KCNC3: variants seen among roughly 807,000 people sequenced by gnomAD.
KCNC3 encodes potassium voltage-gated channel subfamily C member 3, also known as voltage-gated potassium channel KCNC3.
Under a neutral mutation model 43.9 loss-of-function variants are expected in KCNC3, and 22 were observed. The ratio of observed to expected loss-of-function variants is 0.50; its 90% confidence interval spans 0.36 to 0.72. The LOEUF (loss-of-function observed/expected upper bound fraction) is 0.72. Among genes scored for constraint, KCNC3 ranks in the 30% least tolerant of loss-of-function variants. KCNC3 has a pLI of 0.00. For missense variants in KCNC3, 829 were observed against 1,073.8 expected (o/e 0.77, Z 3.19); for synonymous variants, 492 against 488.0 (o/e 1.01, Z -0.11).
chr19:50,326,550 G>A (rs1434246636), intron 1 of KCNC3, among the ~76,000 whole-genome samples: 1 of 152,172 alleles, frequency 6.6e-6, no homozygotes, highest in East Asian at 1.9e-4. Context: ...GACGCGGCAC[G>A]GTGGGGGGAG....
At position 50,323,415 on chromosome 19, in the gene KCNC3, G is replaced by A. The variant is rs529887197; in HGVS notation, c.1538C>T (p.Thr513Met). ...TLGYGDMYPK[T>M]WSGMLVGALC... The stretch of plus-strand genomic sequence containing the variant: ...CGCCCCGACCAGCATCCCCGACCAC[G>A]TCTTGGGGTACATGTCTCCATAGCC... The change falls in exon 2 of 5, where the codon ACG becomes ATG. Residue 513 changes from threonine to methionine, a missense_variant. Transcript: ENST00000477616. 3 of 1,614,202 alleles carry A rather than the reference G, an allele frequency of 1.9e-6. No homozygotes were observed. Among genetic ancestry groups the A allele is most frequent in the African/African-American group, 1.3e-5 (1 of 75,076 alleles).
At position 50,328,836 on chromosome 19, in the gene KCNC3, C is replaced by T. The variant is rs1363824131; in HGVS notation, c.247G>A (p.Gly83Ser). 4.7e-6 allele frequency: 7 copies of T among 1,488,102 alleles called. No homozygotes were observed. The highest frequency in any genetic ancestry group is 2.8e-5 in the East Asian group (1 of 35,912). 92.2% of individuals were successfully genotyped at this position (1,488,102 alleles called of 1,614,324 possible). ...ACGATCTTGCCGCTGTCGCCACCGC[C>T]GCCGCCGTGCCGCCCCATGGCCGCC... is the stretch of plus-strand genomic sequence containing the variant. ...PAAAMGRHGG[G>S]GGDSGKIVIN... The change falls in exon 1 of 5, where the codon GGC becomes AGC. Residue 83 changes from glycine to serine, a missense_variant. Physicochemically the swap from Gly to Ser is moderately conservative, Grantham distance 56. Transcript: ENST00000477616.
At position 50,315,337 on chromosome 19, in the gene KCNC3, C is replaced by T. The variant is rs993584018; in HGVS notation, c.*778G>A. 1.3e-5 allele frequency among the ~76,000 whole-genome samples: 2 copies of T among 151,816 alleles called. No homozygotes were observed. The highest frequency in any genetic ancestry group is 4.8e-5 in the African/African-American group (2 of 41,310). ...GGAGGCAGGTTGGTGCCCACCGAGC[C>T]TCCCCCGCCCCATTCCCACCACAGT... On this transcript the variant is annotated 3_prime_UTR_variant, in exon 5 of 5. Coordinates refer to ENST00000477616, the MANE Select transcript of KCNC3 (RefSeq NM_004977.3).
upstream of KCNC3, among the ~76,000 whole-genome samples, chr19:50,331,406 G>A (rs1214599714): frequency 1.3e-5 from 2 of 151,520 alleles, no homozygotes; most frequent in African/African-American, 2.4e-5. Flanking sequence ...CCCGCAACCC[G>A]CTTTGTCCTG....
At chr19:50,320,979 T>G (rs1601095972) in intron 2 of KCNC3, among the ~76,000 whole-genome samples, 195 bp from the exon 3 acceptor site, 2 of 85,824 alleles carry the variant, frequency 2.3e-5, no homozygotes, top group Admixed American at 1.4e-4. Flanking sequence ...TGGGAGAGGG[T>G]ATCAAGGGGG....
upstream of KCNC3, among the ~76,000 whole-genome samples, chr19:50,330,616 G>T (rs2037176569): frequency 6.6e-6 from 1 of 152,114 alleles, no homozygotes; most frequent in Non-Finnish European, 1.5e-5. Flanking sequence ...GAGGACCGAG[G>T]GTAGATGAGG....
At chr19:50,331,880 A>AC (rs1374447705), upstream of KCNC3, among the ~76,000 whole-genome samples, 1 of 149,568 alleles carries the variant, frequency 6.7e-6, no homozygotes. Flanking sequence ...TTTTTCTCAG[A>AC]CCCCCCATCA....
In KCNC3 at chr19:50,323,701, A is replaced by G; in HGVS notation, c.1252T>C (p.Phe418Leu). 1.2e-6 allele frequency: 2 copies of G among 1,614,206 alleles called. No individual in the cohort carries two copies. The highest frequency in any genetic ancestry group is 1.7e-6 in the Non-Finnish European group (2 of 1,180,048). Residue 418 changes from phenylalanine (F) to leucine (L), a missense_variant, in exon 2 of 5, where the codon TTC becomes CTC. Phe to Leu is a conservative substitution (Grantham distance 22, BLOSUM62 0). Coordinates refer to ENST00000477616, the MANE Select transcript of KCNC3 (RefSeq NM_004977.3). ...DVLGFLRVVRFVRILRIFKLT... is the reference protein window; with the variant it reads ...DVLGFLRVVRLVRILRIFKLT... The stretch of plus-strand genomic sequence containing the variant: ...TTGAAGATGCGCAGGATGCGGACGA[A>G]GCGGACCACCCGCAGGAAGCCCAGC...
chr19:50,323,371 C>G lies in KCNC3; in HGVS notation c.1582G>C (p.Val528Leu). Reference sequence around the variant, plus strand: ...GGCACAGGCATGGCGATGGTCAGCACCCCCGCCAGGGCACACAGCGCCCCG... The same window carrying G: ...GGCACAGGCATGGCGATGGTCAGCAGCCCCGCCAGGGCACACAGCGCCCCG... ...LVGALCALAG[V>L]LTIAMPVPVI... The change falls in exon 2 of 5, where the codon GTG becomes CTG. Residue 528 changes from valine (V) to leucine (L), a missense_variant. By Grantham distance (32) the Val-to-Leu change is conservative (BLOSUM62 1). Coordinates refer to ENST00000477616, the MANE Select transcript of KCNC3 (RefSeq NM_004977.3). The G allele has an allele frequency of 6.2e-7, 1 of 1,614,142 alleles. No homozygotes were observed. The highest frequency in any genetic ancestry group is 8.5e-7 in the Non-Finnish European group (1 of 1,180,034).
chr19:50,329,027 T>TGCTTGCTGGCCCCCTGGCGCCC lies in KCNC3; in HGVS notation c.34_55dup (p.Gln19ArgfsTer89), dbSNP rs1433529590. ...CGGCTGCGGCGGTGGCGCCGGCTGC[T>TGCTTGCTGGCCCCCTGGCGCCC]GCTTGCTGGCCCCCTGGCGCCCGCG... On this transcript the variant is annotated frameshift_variant, in exon 1 of 5. Coordinates refer to ENST00000477616, the MANE Select transcript of KCNC3 (RefSeq NM_004977.3). LOFTEE classifies it high-confidence loss of function. 50 of 1,326,504 alleles carry TGCTTGCTGGCCCCCTGGCGCCC rather than the reference T, an allele frequency of 3.8e-5. No individual in the cohort carries two copies. Among genetic ancestry groups the TGCTTGCTGGCCCCCTGGCGCCC allele is most frequent in the Non-Finnish European group, 4.6e-5 (48 of 1,035,116 alleles). 82.2% of individuals were successfully genotyped at this position (1,326,504 alleles called of 1,614,324 possible).
rs1304875093 is a variant in KCNC3, at chr19:50,312,354, A to AC, written c.*3760dup. On this transcript the variant is annotated 3_prime_UTR_variant, in exon 5 of 5. Coordinates refer to ENST00000477616, the MANE Select transcript of KCNC3 (RefSeq NM_004977.3). ...AGGGTGAGCCGCGGAGCTCAGGAAG[A>AC]CCCCCCGCCATTCATTCCTCCCCAA... 2 of 149,988 alleles carry AC rather than the reference A, an allele frequency of 1.3e-5. No individual in the cohort carries two copies. The highest frequency in any genetic ancestry group is 2.1e-4 in the South Asian group (1 of 4,716). The allele number at this position is 149,988 out of a possible 1,614,324, so 9.3% of individuals were successfully genotyped here.
rs552133569 is a variant in KCNC3 at position 50,323,069 on chromosome 19, C to T, written c.1884G>A (p.Ala628=). 2.0e-4 allele frequency: 311 copies of T among 1,539,068 alleles called. No individual in the cohort carries two copies. The highest frequency in any genetic ancestry group is 2.5e-4 in the South Asian group (21 of 82,792). The change falls in exon 2 of 5, where the codon GCG becomes GCA. Residue 628 remains alanine, a synonymous_variant. Transcript: ENST00000477616. ...HTHPGLLRGG[A]GGLGIMGLPP... ...GCAGCCCCATGATCCCCAGCCCACC[C>T]GCTCCCCCCCTGAGCAGCCCGGGGT... is the stretch of plus-strand genomic sequence containing the variant.
chr19:50,319,129 G>T (rs1004866513), intron 4 of KCNC3, among the ~76,000 whole-genome samples: 2 of 152,090 alleles, frequency 1.3e-5, no homozygotes, highest in Admixed American at 1.3e-4. Flanking sequence ...CTAGCATGTG[G>T]TAGGTACTTG....
chr19:50,330,934 C>T (rs966458192), upstream of KCNC3, among the ~76,000 whole-genome samples: 4 of 151,770 alleles, frequency 2.6e-5, no homozygotes, highest in East Asian at 1.9e-4. Flanking sequence ...GAGGAGGCGG[C>T]GCCTGCGGGA....
Position 50,323,928 on chromosome 19 carries a change from A to G in KCNC3, c.1025T>C (p.Val342Ala). The change falls in exon 2 of 5, where the codon GTG (valine) becomes GCG (alanine). Residue 342 changes from valine to alanine, a missense_variant. By Grantham distance (64) the Val-to-Ala change is moderately conservative. This residue lies in a region of KCNC3 where 157 missense variants were observed against 293.5 expected (regional missense o/e 0.53). Coordinates refer to ENST00000477616, the MANE Select transcript of KCNC3 (RefSeq NM_004977.3). The stretch of plus-strand genomic sequence containing the variant: ...GTAGGTCAGGAAGGGCTCCGTCTCC[A>G]CCTCCACGTTGGTGATGTTCTCCGG... The part of the protein sequence containing the change: ...APPENITNVE[V>A]ETEPFLTYVE... 6.2e-7 allele frequency: 1 copy of G among 1,614,042 alleles called. No homozygotes were observed. The highest frequency in any genetic ancestry group is 8.5e-7 in the Non-Finnish European group (1 of 1,180,008).
In KCNC3 at chr19:50,314,676, G is replaced by A; in HGVS notation, c.*1439C>T. On this transcript the variant is annotated 3_prime_UTR_variant, in exon 5 of 5. Coordinates refer to ENST00000477616, the MANE Select transcript of KCNC3 (RefSeq NM_004977.3). ...GCTGTGGCCCCTCTCTCCATCCTGG[G>A]GGCCCAGGTTGGGGGTGAGGGGCCC... 2.6e-6 allele frequency: 1 copy of A among 389,496 alleles called. No individual in the cohort carries two copies. 24.1% of individuals were successfully genotyped at this position (389,496 alleles called of 1,614,324 possible).
chr19:50,316,985 C>A (rs918406063), intron 4 of KCNC3, among the ~76,000 whole-genome samples: 2 of 151,946 alleles, frequency 1.3e-5, no homozygotes, highest in African/African-American at 4.8e-5. Context: ...GCATCATAGG[C>A]AAGAGAAGCA....
chr19:50,316,826 C>T (rs1222402359), intron 4 of KCNC3, among the ~76,000 whole-genome samples: 4 of 146,446 alleles, frequency 2.7e-5, no homozygotes, highest in Non-Finnish European at 4.5e-5. Flanking sequence ...CCAAAGGGGT[C>T]TTGTGGGAGG....
chr19:50,331,106 TTGAG>T (rs1358858640), upstream of KCNC3, among the ~76,000 whole-genome samples: 2 of 150,428 alleles, frequency 1.3e-5, no homozygotes, highest in Admixed American at 6.6e-5. Context: ...TTCTCCCTTC[TTGAG>T]TATTTGTGCC....
Sources: gnomAD v4.1 joint callset for allele counts (sites outside exome capture counted in the v4.1 genomes callset) on GRCh38, gnomAD v4.1.1 for gene constraint, gnomAD v4.1.1 regional missense constraint, MANE v1.5 for transcripts, NCBI Gene and HGNC (gene_info 2026-07-23, HGNC 2026-07-21) for gene names.